Variants in SNX4 observed in about 807,000 individuals in gnomAD.
SNX4 encodes sorting nexin-4.
A neutral mutation model predicts 70.8 loss-of-function variants in SNX4; 49 were observed. The ratio of observed to expected loss-of-function variants is 0.69; its 90% confidence interval spans 0.55 to 0.88. The LOEUF is 0.88. Among genes scored for constraint, SNX4 ranks in the 40% least tolerant of loss-of-function variants. The pLI is 0.00. For synonymous variants in SNX4, 206 were observed against 183.8 expected, an observed-to-expected ratio of 1.12 and a Z score of -0.98; for missense variants, 528 against 544.8, an observed-to-expected ratio of 0.97 and a Z score of 0.31.
At chr3:125,491,383 A>G (rs1934656164) in intron 5 of SNX4, among the ~76,000 whole-genome samples, 1 of 152,206 alleles carries the variant, frequency 6.6e-6, no homozygotes, top group African/African-American at 2.4e-5. Flanking sequence ...CTAAGAAAAA[A>G]ATATTCATTT....
chr3:125,479,786 T>C (rs1459522477), intron 7 of SNX4, among the ~76,000 whole-genome samples: 1 of 152,174 alleles, frequency 6.6e-6, no homozygotes, highest in Non-Finnish European at 1.5e-5. Flanking sequence ...AACTATATGG[T>C]TAAGTATAAT....
intron 5 of SNX4, among the ~76,000 whole-genome samples, chr3:125,490,595 C>T (rs1934636598): frequency 6.7e-6 from 1 of 148,236 alleles, no homozygotes; most frequent in South Asian, 2.2e-4. Flanking sequence ...AGCTAGATTA[C>T]AGCAATTACT....
At position 125,497,971 on chromosome 3, in the gene SNX4, A is replaced by G. The variant is rs1272881175; in HGVS notation, c.412T>C (p.Trp138Arg). 6.2e-6 allele frequency: 10 copies of G among 1,614,116 alleles called. No individual in the cohort carries two copies. The highest frequency in any genetic ancestry group is 8.5e-6 in the Non-Finnish European group (10 of 1,180,026). Residue 138 changes from tryptophan to arginine, a missense_variant, in exon 4 of 14, where the codon TGG becomes CGG. Coordinates refer to ENST00000251775, the MANE Select transcript of SNX4 (RefSeq NM_003794.4). ...ATGTTGTCAGCAGAGAGTTTATGCC[A>G]AACAAATTCTGCCTAGGTAAACAAA... ...PLPEKRAEFVWHKLSADNMDP... is the reference protein window; with the variant it reads ...PLPEKRAEFVRHKLSADNMDP...
chr3:125,512,139 G>C (rs958406617), intron 1 of SNX4, among the ~76,000 whole-genome samples: 2 of 152,128 alleles, frequency 1.3e-5, no homozygotes, highest in Non-Finnish European at 2.9e-5. Context: ...GAAAGCTCAA[G>C]AAATCACCTA....
chr3:125,484,701 CA>C (rs1411329293), intron 6 of SNX4, among the ~76,000 whole-genome samples: 5 of 151,784 alleles, frequency 3.3e-5, no homozygotes, highest in Non-Finnish European at 7.4e-5. Context: ...ATCTTAAAGG[CA>C]AAAACATGGC....
At chr3:125,477,196 T>C (rs1647691516) in intron 7 of SNX4, among the ~76,000 whole-genome samples, 1 of 152,216 alleles carries the variant, frequency 6.6e-6, no homozygotes, top group African/African-American at 2.4e-5. Flanking sequence ...TCCCTCAGAT[T>C]GTTTCCTTAT....
rs536863146 is a variant in SNX4, at chr3:125,502,560, A to AT, written c.263+2062dup. ...AAGCCTATGAAAATGGTAGGTTAAA[A>AT]TTTTTTTTCTTAAAAAAGTATTAAC... On this transcript the variant is annotated intron_variant, in intron 2 of 13. Transcript: ENST00000251775. Among the ~76,000 whole-genome samples, 346 of 151,586 alleles carry AT rather than the reference A, an allele frequency of 2.3e-3. 1 individual carries two copies. The highest frequency in any genetic ancestry group is 4.1e-3 in the Non-Finnish European group (279 of 67,922).
intron 5 of SNX4, among the ~76,000 whole-genome samples, chr3:125,492,678 A>T (rs537126102): frequency 6.6e-6 from 1 of 152,300 alleles, no homozygotes; most frequent in South Asian, 2.1e-4. Context: ...ATGCTAACTT[A>T]ATGTCTCCAA....
At chr3:125,470,126 T>C (rs9828012) in intron 8 of SNX4, among the ~76,000 whole-genome samples, 69,669 of 151,974 alleles carry the variant, frequency 0.46, 16,110 homozygotes, top group Admixed American at 0.52. Context: ...ATGCTTATTA[T>C]AGTAAACTGG....
intron 6 of SNX4, among the ~76,000 whole-genome samples, chr3:125,487,566 C>G (rs1559818806): frequency 6.6e-6 from 1 of 152,094 alleles, no homozygotes; most frequent in Non-Finnish European, 1.5e-5. Flanking sequence ...CAAAGTCATA[C>G]ACTTAGCTTA....
chr3:125,452,113 T>C (rs543152999), intron 12 of SNX4, among the ~76,000 whole-genome samples: 2 of 151,078 alleles, frequency 1.3e-5, no homozygotes, highest in South Asian at 4.2e-4. Context: ...GTTTAGCATT[T>C]TTTTTTTTTT....
Position 125,469,493 on chromosome 3 carries a change from A to G in SNX4, c.815T>C (p.Met272Thr), listed in dbSNP as rs1178723396. 6.2e-7 allele frequency: 1 copy of G among 1,613,552 alleles called. No individual in the cohort carries two copies. Among genetic ancestry groups the G allele is most frequent in the African/African-American group, 1.3e-5 (1 of 74,910 alleles). Reference protein sequence around the residue: ...FSEWSAIEKEMGDGLQSAGHH... With the variant: ...FSEWSAIEKETGDGLQSAGHH... ...ACCAGCACTCTGCAGTCCATCACCCATTTCTTTTTCTATGGCACTCCATTC... is the reference window on the plus strand; with the variant it reads ...ACCAGCACTCTGCAGTCCATCACCCGTTTCTTTTTCTATGGCACTCCATTC... Residue 272 changes from methionine (M) to threonine (T), a missense_variant, in exon 9 of 14, where the codon ATG (methionine) becomes ACG (threonine). By Grantham distance (81) the Met-to-Thr change is moderately conservative (BLOSUM62 -1). Around this residue, in one of 3 missense-constraint regions of SNX4, gnomAD observed 28 missense variants for 60.0 expected, o/e 0.47. Coordinates refer to ENST00000251775, the MANE Select transcript of SNX4 (RefSeq NM_003794.4).
chr3:125,486,340 C>T (rs1255350436), intron 6 of SNX4, among the ~76,000 whole-genome samples: 1 of 152,106 alleles, frequency 6.6e-6, no homozygotes, highest in Non-Finnish European at 1.5e-5. Flanking sequence ...AAAACTATCA[C>T]TTTACGTATA....
intron 11 of SNX4, among the ~76,000 whole-genome samples, chr3:125,454,930 A>T (rs1178781700): frequency 1.3e-5 from 2 of 152,074 alleles, no homozygotes; most frequent in East Asian, 3.9e-4. Flanking sequence ...CTTCTAACTG[A>T]ATTTCTTTTT....
intron 6 of SNX4, among the ~76,000 whole-genome samples, chr3:125,481,548 A>G (rs1934413959): frequency 6.6e-6 from 1 of 151,174 alleles, no homozygotes; most frequent in Non-Finnish European, 1.5e-5. Flanking sequence ...TCCCGAGTTC[A>G]AGCAGTTTTC....
At chr3:125,519,959 G>GC in intron 1 of SNX4, 73 bp downstream of exon 1, 2 of 1,004,504 alleles carry the variant, frequency 2.0e-6, no homozygotes, top group African/African-American at 1.8e-5. Flanking sequence ...GCCCAGCCCA[G>GC]CCCAGCCCAG....
At chr3:125,465,851 C>T (rs1933998197) in intron 9 of SNX4, among the ~76,000 whole-genome samples, 1 of 152,110 alleles carries the variant, frequency 6.6e-6, no homozygotes, top group Non-Finnish European at 1.5e-5. Context: ...CCATGTTGGC[C>T]AGCCTGGTCT....
intron 2 of SNX4, among the ~76,000 whole-genome samples, chr3:125,502,349 CT>C (rs34542195): frequency 0.52 from 76,953 of 147,854 alleles, 20,327 homozygotes; most frequent in African/African-American, 0.66. Context: ...AATTTTCTTT[CT>C]TTTTTTTTTT....
At chr3:125,474,323 T>C (rs1934245325) in intron 8 of SNX4, among the ~76,000 whole-genome samples, 1 of 150,794 alleles carries the variant, frequency 6.6e-6, no homozygotes, top group Non-Finnish European at 1.5e-5. Flanking sequence ...TATTTTTGTT[T>C]TTATTTTTTT....
Sources: gnomAD v4.1 joint callset for allele counts (sites outside exome capture counted in the v4.1 genomes callset) on GRCh38, gnomAD v4.1.1 for gene constraint, gnomAD v4.1.1 regional missense constraint, MANE v1.5 for transcripts, NCBI Gene and HGNC (gene_info 2026-07-23, HGNC 2026-07-21) for gene names.